Variants in USH2A observed in about 807,000 individuals in gnomAD.
USH2A encodes the protein usherin.
USH2A carries 443 observed loss-of-function variants against 538.9 expected under a neutral mutation model. That is an observed-to-expected ratio of 0.82 (90% CI 0.76 to 0.89). The LOEUF is 0.89. USH2A is among the 40% of genes least tolerant of loss of function. The pLI is 0.00. For synonymous variants in USH2A, 2,413 were observed against 2,273.5 expected, an observed-to-expected ratio of 1.06 and a Z score of -1.75; for missense variants, 6,633 against 6,324.8, an observed-to-expected ratio of 1.05 and a Z score of -1.65.
intron 47 of USH2A, among the ~76,000 whole-genome samples, chr1:215,836,708 C>A (rs1421375315): frequency 6.9e-6 from 1 of 144,946 alleles, no homozygotes; most frequent in African/African-American, 2.5e-5. Context: ...AGGTGCCCCC[C>A]ACCACGCCCT....
At chr1:216,197,737 A>G (rs1395671686) in intron 18 of USH2A, among the ~76,000 whole-genome samples, 1 of 152,182 alleles carries the variant, frequency 6.6e-6, no homozygotes, top group Non-Finnish European at 1.5e-5. Context: ...GGAGGATTAA[A>G]AATTTTTGCC....
At chr1:215,769,533 G>A (rs1661221223) in intron 55 of USH2A, among the ~76,000 whole-genome samples, 1 of 152,180 alleles carries the variant, frequency 6.6e-6, no homozygotes, top group African/African-American at 2.4e-5. Flanking sequence ...TGAGAAGGCA[G>A]GTGTTTAGGC....
intron 26 of USH2A, chr1:216,079,295 T>C (rs1024229477): frequency 3.3e-5 from 5 of 152,120 alleles, no homozygotes; most frequent in African/African-American, 1.2e-4. Flanking sequence ...TAAACACTGC[T>C]CCTAAGAGTC....
chr1:215,837,898 T>G, intron 47 of USH2A, 93 bp downstream of exon 47: 5 of 1,037,230 alleles, frequency 4.8e-6, no homozygotes, highest in South Asian at 1.3e-5. Context: ...ACCCATTAAA[T>G]GAGATTGTCA....
chr1:216,320,607 C>G (rs2037587298), intron 9 of USH2A, among the ~76,000 whole-genome samples: 1 of 152,090 alleles, frequency 6.6e-6, no homozygotes, highest in Admixed American at 6.6e-5. Flanking sequence ...CCCACAAGTA[C>G]TAAATATTAC....
At chr1:216,155,416 A>G (rs2033918419) in intron 21 of USH2A, among the ~76,000 whole-genome samples, 1 of 152,068 alleles carries the variant, frequency 6.6e-6, no homozygotes. Flanking sequence ...CTATTGTAAA[A>G]CCCAAGATTG....
chr1:216,338,934 G>C (rs1180746731), intron 4 of USH2A, among the ~76,000 whole-genome samples: 1 of 151,572 alleles, frequency 6.6e-6, no homozygotes, highest in East Asian at 1.9e-4. Flanking sequence ...AGGCAAATTG[G>C]TTCAACCACT....
chr1:216,196,789 A>C (rs2034857521), intron 18 of USH2A, 67 bp from the exon 19 acceptor site: 1 of 1,509,026 alleles, frequency 6.6e-7, no homozygotes, highest in African/African-American at 1.4e-5. Context: ...TTTTAAATTT[A>C]ATTCACACAT....
intron 61 of USH2A, among the ~76,000 whole-genome samples, chr1:215,720,568 A>C (rs17025226): frequency 0.17 from 26,140 of 152,166 alleles, 2,328 homozygotes; most frequent in South Asian, 0.31. Flanking sequence ...AGCAGAGAAT[A>C]TAGTACTGGA....
At chr1:215,994,824 C>G in intron 34 of USH2A, among the ~76,000 whole-genome samples, 1 of 151,908 alleles carries the variant, frequency 6.6e-6, no homozygotes, top group East Asian at 1.9e-4. Context: ...AGTTGAAGAC[C>G]CCAGACATTT....
At chr1:216,162,433 C>A (rs1558292047) in intron 21 of USH2A, among the ~76,000 whole-genome samples, 1 of 151,960 alleles carries the variant, frequency 6.6e-6, no homozygotes, top group East Asian at 1.9e-4. Context: ...TTAACATTAA[C>A]TGAAGTTATT....
chr1:216,134,819 G>A (rs986141314), intron 21 of USH2A, among the ~76,000 whole-genome samples: 1 of 152,120 alleles, frequency 6.6e-6, no homozygotes, highest in African/African-American at 2.4e-5. Flanking sequence ...CACTGTGTCT[G>A]TAAGAATTCT....
At chr1:216,418,246 A>G (rs1209703520) in intron 3 of USH2A, among the ~76,000 whole-genome samples, 1 of 152,022 alleles carries the variant, frequency 6.6e-6, no homozygotes, top group Admixed American at 6.6e-5. Context: ...GAAAACAAAA[A>G]TTTTCTGAGG....
At chr1:216,404,411 T>G (rs1318482479) in intron 3 of USH2A, among the ~76,000 whole-genome samples, 1 of 152,072 alleles carries the variant, frequency 6.6e-6, no homozygotes, top group East Asian at 1.9e-4. Context: ...CTCACAGTAC[T>G]CAAGAACATG....
At chr1:216,115,605 C>T (rs2032988548) in intron 21 of USH2A, among the ~76,000 whole-genome samples, 2 of 152,142 alleles carry the variant, frequency 1.3e-5, no homozygotes, top group Admixed American at 6.5e-5. Context: ...ATTCAGAATG[C>T]TTCTATCAAC....
intron 71 of USH2A, 43 bp from the exon 72 acceptor site, chr1:215,625,913 A>C: frequency 1.3e-6 from 2 of 1,553,766 alleles, no homozygotes; most frequent in Non-Finnish European, 1.8e-6. Flanking sequence ...ACTTGCTATC[A>C]ATAGTATTTG....
At chr1:216,111,768 A>G (rs756140429) in intron 21 of USH2A, among the ~76,000 whole-genome samples, 2 of 151,128 alleles carry the variant, frequency 1.3e-5, no homozygotes, top group East Asian at 1.9e-4. Flanking sequence ...AAATTTTCAC[A>G]TAAAATTAAT....
At chr1:216,058,901 AC>A (rs2031078596) in intron 30 of USH2A, among the ~76,000 whole-genome samples, 2 of 152,312 alleles carry the variant, frequency 1.3e-5, no homozygotes, top group Middle Eastern at 6.8e-3. Context: ...AAGGTAGTGA[AC>A]GAGGCTTAAA....
intron 70 of USH2A, among the ~76,000 whole-genome samples, chr1:215,629,288 C>T (rs920827029): frequency 2.0e-5 from 3 of 152,114 alleles, no homozygotes; most frequent in Non-Finnish European, 2.9e-5. Flanking sequence ...CCAGTGTTTT[C>T]GGCACCTAGA....
Sources: allele counts gnomAD v4.1 joint callset (sites outside exome capture counted in the v4.1 genomes callset), GRCh38; gene constraint gnomAD v4.1.1; transcripts MANE v1.5; gene names NCBI Gene and HGNC (gene_info 2026-07-23, HGNC 2026-07-21).